HEMK2: variants seen among roughly 807,000 people sequenced by gnomAD.
The protein encoded by HEMK2 is methyltransferase HEMK2.
At chr21:28,661,124 A>AG in the HEMK2 span, among the ~76,000 whole-genome samples, 1 of 152,036 alleles carries the variant, frequency 6.6e-6, no homozygotes, top group Non-Finnish European at 1.5e-5. Flanking sequence ...TCTTCCCAGG[A>AG]GCTTACCAAC....
At chr21:28,885,208 G>A in the HEMK2 span, 4 of 1,564,840 alleles carry the variant, frequency 2.6e-6, no homozygotes, top group Non-Finnish European at 3.5e-6. Context: ...TCCCCTCCTC[G>A]CACCCTGCCA....
the HEMK2 span, among the ~76,000 whole-genome samples, chr21:28,728,765 GT>G: frequency 2.6e-5 from 4 of 152,170 alleles, no homozygotes; most frequent in Non-Finnish European, 5.9e-5. Context: ...TCCAAATGCT[GT>G]TTTTCTGATT....
the HEMK2 span, among the ~76,000 whole-genome samples, chr21:28,598,496 T>C: frequency 1.5e-4 from 23 of 152,266 alleles, no homozygotes; most frequent in African/African-American, 5.3e-4. Context: ...TTGGAAGAAT[T>C]AAGCACAACC....
the HEMK2 span, among the ~76,000 whole-genome samples, chr21:28,606,172 T>C: frequency 1.3e-5 from 2 of 151,680 alleles, no homozygotes; most frequent in Non-Finnish European, 2.9e-5. Context: ...TACTGTAACA[T>C]GGCGGGCAAT....
the HEMK2 span, among the ~76,000 whole-genome samples, chr21:28,827,998 T>C: frequency 6.6e-6 from 1 of 152,226 alleles, no homozygotes; most frequent in East Asian, 1.9e-4. Flanking sequence ...TTCTTATATA[T>C]GTATATGTAA....
chr21:28,616,357 A>C, the HEMK2 span, among the ~76,000 whole-genome samples: 1 of 152,212 alleles, frequency 6.6e-6, no homozygotes, highest in Non-Finnish European at 1.5e-5. Context: ...CAATAAAAAA[A>C]TTATTGGAAA....
chr21:28,599,415 T>G, the HEMK2 span, among the ~76,000 whole-genome samples: 9 of 152,140 alleles, frequency 5.9e-5, no homozygotes, highest in African/African-American at 1.7e-4. Context: ...TTTCCTCTCA[T>G]AAAACCATCA....
At chr21:28,651,443 G>A in the HEMK2 span, among the ~76,000 whole-genome samples, 1 of 152,174 alleles carries the variant, frequency 6.6e-6, no homozygotes, top group Non-Finnish European at 1.5e-5. Flanking sequence ...ATCAAAAAGA[G>A]GGTACTTGAA....
chr21:28,851,778 T>C, the HEMK2 span, among the ~76,000 whole-genome samples: 1 of 152,126 alleles, frequency 6.6e-6, no homozygotes, highest in Non-Finnish European at 1.5e-5. Flanking sequence ...TCTCTCCAAA[T>C]AAGACAATGA....
chr21:28,616,484 T>C, the HEMK2 span, among the ~76,000 whole-genome samples: 1 of 152,208 alleles, frequency 6.6e-6, no homozygotes, highest in African/African-American at 2.4e-5. Flanking sequence ...TAAAGTCTTA[T>C]TCTAATAAAA....
chr21:28,833,185 A>C, the HEMK2 span, among the ~76,000 whole-genome samples: 9 of 151,040 alleles, frequency 6.0e-5, no homozygotes, highest in Non-Finnish European at 1.2e-4. Flanking sequence ...TCTTCTATGC[A>C]AAAGAATATC....
At chr21:28,866,860 G>C in the HEMK2 span, among the ~76,000 whole-genome samples, 2 of 152,128 alleles carry the variant, frequency 1.3e-5, no homozygotes, top group African/African-American at 4.8e-5. Context: ...AAAGACAACA[G>C]AAATCTGATA....
the HEMK2 span, among the ~76,000 whole-genome samples, chr21:28,808,032 GAGCAA>G: frequency 6.6e-6 from 1 of 152,082 alleles, no homozygotes; most frequent in East Asian, 1.9e-4. Context: ...CAGAGAGCTA[GAGCAA>G]GTGCCTCCCC....
chr21:28,882,029 C>A, the HEMK2 span: 3 of 556,612 alleles, frequency 5.4e-6, no homozygotes, highest in Admixed American at 4.0e-5. Context: ...ATTACATCAA[C>A]AAAGAATTTA....
chr21:28,680,731 G>T, the HEMK2 span, among the ~76,000 whole-genome samples: 1 of 152,188 alleles, frequency 6.6e-6, no homozygotes, highest in African/African-American at 2.4e-5. Flanking sequence ...TCCCTGGGAT[G>T]CAAGGCTGGT....
the HEMK2 span, among the ~76,000 whole-genome samples, chr21:28,825,022 T>C: frequency 6.6e-6 from 1 of 152,182 alleles, no homozygotes; most frequent in Non-Finnish European, 1.5e-5. Context: ...TAAACACTGC[T>C]TTGAAGATCT....
At chr21:28,664,870 T>G in the HEMK2 span, among the ~76,000 whole-genome samples, 1 of 152,130 alleles carries the variant, frequency 6.6e-6, no homozygotes, top group Non-Finnish European at 1.5e-5. Flanking sequence ...AAGATTACTT[T>G]GGTTTTAAAA....
chr21:28,800,501 T>G, the HEMK2 span, among the ~76,000 whole-genome samples: 167 of 152,282 alleles, frequency 1.1e-3, no homozygotes, highest in African/African-American at 3.8e-3. Flanking sequence ...TGTAAATGCA[T>G]GTACATATAT....
chr21:28,866,733 A>G, the HEMK2 span, among the ~76,000 whole-genome samples: 1 of 152,186 alleles, frequency 6.6e-6, no homozygotes, highest in Non-Finnish European at 1.5e-5. Flanking sequence ...ATGCTGTCTC[A>G]AAAAACAAAA....
Sources: allele counts gnomAD v4.1 joint callset (sites outside exome capture counted in the v4.1 genomes callset), GRCh38; gene constraint gnomAD v4.1.1; transcripts MANE v1.5; gene names NCBI Gene and HGNC (gene_info 2026-07-23, HGNC 2026-07-21).